Variants in SLIT3 observed in about 807,000 individuals in gnomAD.
SLIT3 encodes the protein slit guidance ligand 3.
Under a neutral mutation model 184.0 loss-of-function variants are expected in SLIT3, and 68 were observed. That is an observed-to-expected ratio of 0.37 (90% confidence interval 0.30 to 0.45). The LOEUF (loss-of-function observed/expected upper bound fraction) is 0.45, where lower values mean the gene tolerates loss of function less well. Ranked by LOEUF, SLIT3 falls within the 20% of genes least tolerant of loss-of-function variation. The pLI is 1.00. For missense variants in SLIT3, 1,707 were observed against 2,026.0 expected (o/e 0.84, Z 3.02); for synonymous variants, 831 against 828.6 (o/e 1.00, Z -0.05).
chr5:169,217,787 G>A (rs139339294), intron 3 of SLIT3, among the ~76,000 whole-genome samples: 162 of 152,272 alleles, frequency 1.1e-3, no homozygotes, highest in African/African-American at 3.9e-3. Flanking sequence ...CCACAATTCC[G>A]AGAGGTGGGA....
intron 4 of SLIT3, among the ~76,000 whole-genome samples, chr5:169,176,870 G>A (rs1164720380): frequency 6.6e-6 from 1 of 152,146 alleles, no homozygotes; most frequent in Non-Finnish European, 1.5e-5. Flanking sequence ...AAACTAGAGG[G>A]CCAACCTCCC....
At chr5:168,877,750 CA>C (rs1478263675) in intron 5 of SLIT3, among the ~76,000 whole-genome samples, 1 of 152,140 alleles carries the variant, frequency 6.6e-6, no homozygotes, top group Non-Finnish European at 1.5e-5. Context: ...CTGGCAGAGA[CA>C]GGGGTTATTG....
At chr5:168,908,327 T>C (rs1055796287) in intron 4 of SLIT3, among the ~76,000 whole-genome samples, 1 of 152,136 alleles carries the variant, frequency 6.6e-6, no homozygotes, top group African/African-American at 2.4e-5. Context: ...GACCTTCTCA[T>C]ACCCTTGCCC....
At chr5:169,078,532 C>T (rs1157387454) in intron 4 of SLIT3, among the ~76,000 whole-genome samples, 1 of 152,172 alleles carries the variant, frequency 6.6e-6, no homozygotes, top group Non-Finnish European at 1.5e-5. Context: ...AACCCAGCAC[C>T]CTTCCTACTT....
At chr5:168,841,509 A>C (rs530350205) in intron 6 of SLIT3, among the ~76,000 whole-genome samples, 1 of 152,270 alleles carries the variant, frequency 6.6e-6, no homozygotes, top group African/African-American at 2.4e-5. Context: ...CATACTCTGC[A>C]CTGGACATCC....
At chr5:169,213,985 A>G (rs1191489658) in intron 3 of SLIT3, among the ~76,000 whole-genome samples, 5 of 152,192 alleles carry the variant, frequency 3.3e-5, no homozygotes, top group Admixed American at 2.0e-4. Flanking sequence ...GTCAAGTTCA[A>G]AGAGACAGCA....
chr5:169,017,844 G>C (rs1254708471), intron 4 of SLIT3: 1 of 152,190 alleles, frequency 6.6e-6, no homozygotes, highest in Non-Finnish European at 1.5e-5. Flanking sequence ...TTCATAAGGA[G>C]GAGTCAGAGA....
At chr5:168,689,599 T>C (rs979644382) in intron 29 of SLIT3, among the ~76,000 whole-genome samples, 1 of 152,248 alleles carries the variant, frequency 6.6e-6, no homozygotes, top group Non-Finnish European at 1.5e-5. Context: ...AAGAATAAGT[T>C]AGCAGTACAT....
chr5:168,950,925 A>C (rs971043015), intron 4 of SLIT3, among the ~76,000 whole-genome samples: 6 of 152,246 alleles, frequency 3.9e-5, no homozygotes, highest in African/African-American at 1.4e-4. Context: ...ATATGAAAAC[A>C]AACACCAAAC....
rs1161100725 is a variant in SLIT3, at chr5:168,729,546, A to AT, written c.2271-5063dup. Among the ~76,000 whole-genome samples the AT allele has an allele frequency of 1.5e-4, 23 of 152,184 alleles. No individual in the cohort carries two copies. The East Asian group carries it at 3.5e-3, about 23-fold the overall frequency. On this transcript the variant is annotated intron_variant, in intron 20 of 35. Transcript: ENST00000519560. ...GCCCAGAATTTTGTATTCTGCCAAA[A>AT]TAAATTTTATAAATTAAGGATAAAG... is the stretch of plus-strand genomic sequence containing the variant.
At chr5:169,280,653 A>G (rs542133794) in intron 1 of SLIT3, among the ~76,000 whole-genome samples, 1 of 152,222 alleles carries the variant, frequency 6.6e-6, no homozygotes, top group African/African-American at 2.4e-5. Context: ...TGGTTCTTCA[A>G]GGAAACTCTA....
intron 4 of SLIT3, among the ~76,000 whole-genome samples, chr5:168,931,393 A>T (rs989202033): frequency 1.3e-5 from 2 of 152,200 alleles, no homozygotes; most frequent in Non-Finnish European, 2.9e-5. Flanking sequence ...TACAAATGTT[A>T]TTGTCCATCT....
chr5:168,846,301 A>G (rs1271915819), intron 5 of SLIT3, among the ~76,000 whole-genome samples: 4 of 152,158 alleles, frequency 2.6e-5, no homozygotes, highest in South Asian at 2.1e-4. Flanking sequence ...TTCTGTATCT[A>G]GTGTTCAAAG....
At chr5:169,206,593 T>C (rs1417826473) in intron 3 of SLIT3, among the ~76,000 whole-genome samples, 1 of 152,202 alleles carries the variant, frequency 6.6e-6, no homozygotes, top group East Asian at 1.9e-4. Flanking sequence ...TAGTTCAAAG[T>C]GACAAAGTCC....
chr5:168,850,640 G>A (rs945787786), intron 5 of SLIT3, among the ~76,000 whole-genome samples: 3 of 152,188 alleles, frequency 2.0e-5, no homozygotes, highest in Admixed American at 6.5e-5. Context: ...CTCTCTGATC[G>A]GAATAGCCTG....
intron 4 of SLIT3, among the ~76,000 whole-genome samples, chr5:169,149,390 C>T (rs1762041230): frequency 6.9e-6 from 1 of 145,782 alleles, no homozygotes; most frequent in African/African-American, 2.6e-5. Context: ...AATTCCAGCT[C>T]TAAAATTCTG....
At chr5:168,853,881 A>C (rs1431779292) in intron 5 of SLIT3, among the ~76,000 whole-genome samples, 1 of 152,030 alleles carries the variant, frequency 6.6e-6, no homozygotes, top group Non-Finnish European at 1.5e-5. Context: ...ATCCCTCCTC[A>C]TTCATCAAGG....
intron 17 of SLIT3, among the ~76,000 whole-genome samples, chr5:168,753,467 C>T (rs1754787436): frequency 6.6e-6 from 1 of 152,136 alleles, no homozygotes; most frequent in Admixed American, 6.5e-5. Context: ...GTGTCTGTGC[C>T]TGTTTGTATA....
chr5:168,723,023 AG>A lies in SLIT3; in HGVS notation c.2340-20del. 1 of 1,602,930 alleles carries A rather than the reference AG, an allele frequency of 6.2e-7. No homozygotes were observed. Among genetic ancestry groups the A allele is most frequent in the Non-Finnish European group, 8.5e-7 (1 of 1,169,812 alleles). ...CAGGTCACTAGGAAAAGTAAAACAG[AG>A]GGGTCATGCTTTTGTCTTAGTTGCA... On this transcript the variant is annotated intron_variant, in intron 21 of 35. Coordinates refer to ENST00000519560, the MANE Select transcript of SLIT3 (RefSeq NM_003062.4).
Sources: allele counts gnomAD v4.1 joint callset (sites outside exome capture counted in the v4.1 genomes callset), GRCh38; gene constraint gnomAD v4.1.1; transcripts MANE v1.5; gene names NCBI Gene and HGNC (gene_info 2026-07-23, HGNC 2026-07-21).